The following KCNMA1 variants were observed in gnomAD, a reference collection of about 807,000 sequenced individuals.
KCNMA1 encodes potassium calcium-activated channel subfamily M alpha 1, also known as Calcium-activated potassium channel subunit alpha-1.
In KCNMA1, 29 loss-of-function variants were observed where a neutral mutation model predicts 140.0. The observed-to-expected ratio is 0.21, with a 90% CI of 0.15 to 0.28. The LOEUF (loss-of-function observed/expected upper bound fraction) is 0.28. Among genes scored for constraint, KCNMA1 ranks in the 10% least tolerant of loss-of-function variants. The pLI is 1.00. For missense variants in KCNMA1, 880 were observed against 1,602.2 expected, an observed-to-expected ratio of 0.55 and a Z score of 7.70; for synonymous variants, 612 against 611.9, an observed-to-expected ratio of 1.00 and a Z score of 0.00.
At chr10:77,076,816 C>G (rs1171923171) in intron 13 of KCNMA1, among the ~76,000 whole-genome samples, 1 of 152,182 alleles carries the variant, frequency 6.6e-6, no homozygotes, top group Non-Finnish European at 1.5e-5. Context: ...AGGCAGCTTC[C>G]CTACATCCCT....
chr10:77,615,586 T>C (rs2089128948), intron 1 of KCNMA1, among the ~76,000 whole-genome samples: 3 of 152,162 alleles, frequency 2.0e-5, no homozygotes, highest in African/African-American at 4.8e-5. Flanking sequence ...GCCCCTGAGT[T>C]AACCCTTTCA....
intron 24 of KCNMA1, chr10:76,912,614 G>A (rs1387219852): frequency 6.6e-6 from 1 of 152,182 alleles, no homozygotes; most frequent in Non-Finnish European, 1.5e-5. Context: ...CTTCAGGAGA[G>A]TCAATGATGC....
At chr10:76,999,871 C>A (rs866886039) in intron 19 of KCNMA1, among the ~76,000 whole-genome samples, 3 of 152,080 alleles carry the variant, frequency 2.0e-5, no homozygotes, top group South Asian at 4.1e-4. Flanking sequence ...TTTCCAAATG[C>A]CTCTAATATG....
At position 77,090,629 on chromosome 10, in the gene KCNMA1, G is replaced by A. The variant is rs530700767; in HGVS notation, c.1224-119C>T. On this transcript the variant is annotated intron_variant, in intron 9 of 27. Coordinates refer to ENST00000286628, the MANE Select transcript of KCNMA1 (RefSeq NM_001161352.2). ...GGGGAAGCATTCATCTCCTCCCTCC[G>A]CCTCCATAAAAGCCCAGCTCCCATC... 4.0e-4 allele frequency: 294 copies of A among 728,524 alleles called. 3 individuals carry two copies. Among genetic ancestry groups the A allele is most frequent in the African/African-American group, 2.8e-3 (164 of 57,790 alleles). 45.1% of individuals were successfully genotyped at this position (728,524 alleles called of 1,614,324 possible). A position where few individuals can be genotyped will look rare whatever the true frequency, so the allele number is the denominator to read the frequency against.
At chr10:77,374,125 A>G (rs1208107107) in intron 2 of KCNMA1, among the ~76,000 whole-genome samples, 3 of 152,192 alleles carry the variant, frequency 2.0e-5, no homozygotes, top group African/African-American at 7.2e-5. Context: ...ATGTGGTAGT[A>G]AGAGGCAGAG....
intron 2 of KCNMA1, among the ~76,000 whole-genome samples, chr10:77,385,137 C>T (rs984849531): frequency 2.6e-5 from 4 of 152,322 alleles, no homozygotes; most frequent in Admixed American, 2.6e-4. Context: ...AATTACCCAA[C>T]AGAGAGCCTG....
At chr10:77,519,686 G>T (rs939511167) in intron 1 of KCNMA1, among the ~76,000 whole-genome samples, 1 of 152,182 alleles carries the variant, frequency 6.6e-6, no homozygotes, top group African/African-American at 2.4e-5. Flanking sequence ...AATAACATGA[G>T]TGATTATAAA....
At chr10:76,977,339 G>A (rs1203282936) in intron 19 of KCNMA1, among the ~76,000 whole-genome samples, 2 of 151,946 alleles carry the variant, frequency 1.3e-5, no homozygotes, top group Non-Finnish European at 2.9e-5. Context: ...AAGTCATTGG[G>A]GAAACAAAAT....
chr10:77,460,160 C>T (rs2097837625), intron 1 of KCNMA1, among the ~76,000 whole-genome samples: 2 of 152,096 alleles, frequency 1.3e-5, no homozygotes, highest in Non-Finnish European at 2.9e-5. Flanking sequence ...GTTTACTAAC[C>T]CCTATCTTAG....
intron 5 of KCNMA1, among the ~76,000 whole-genome samples, chr10:77,136,392 G>A (rs1037080653): frequency 6.6e-6 from 1 of 152,156 alleles, no homozygotes; most frequent in African/African-American, 2.4e-5. Context: ...ATTACCAGGA[G>A]CTGAGGGGAG....
intron 2 of KCNMA1, among the ~76,000 whole-genome samples, chr10:77,390,512 G>C (rs2095781981): frequency 6.6e-6 from 1 of 152,116 alleles, no homozygotes; most frequent in Admixed American, 6.5e-5. Flanking sequence ...AGCTTCCCTG[G>C]GAGCCCATGC....
intron 5 of KCNMA1, among the ~76,000 whole-genome samples, chr10:77,123,942 G>C (rs1414260855): frequency 6.6e-6 from 1 of 152,150 alleles, no homozygotes; most frequent in Non-Finnish European, 1.5e-5. Context: ...GGATGTGCTG[G>C]ACAAAGGGAG....
intron 1 of KCNMA1, among the ~76,000 whole-genome samples, chr10:77,445,363 C>CAG (rs201639217): frequency 0.087 from 11,381 of 130,114 alleles, 470 homozygotes; most frequent in East Asian, 0.16. Flanking sequence ...CGCACATACA[C>CAG]AGACACACAC....
chr10:77,110,132 C>A lies in KCNMA1; in HGVS notation c.1131+41G>T, dbSNP rs75389547. ...GGAAATGTATCATGGAAAATATTAA[C>A]AGCCATCAAAATCAACATCATAATA... On this transcript the variant is annotated intron_variant, in intron 8 of 27. Transcript: ENST00000286628. The A allele has an allele frequency of 1.2e-3, 1,828 of 1,501,320 alleles. 20 individuals are homozygous for A. The African/African-American group carries it at 0.021, about 17-fold the overall frequency. 93.0% of individuals were successfully genotyped at this position (1,501,320 alleles called of 1,614,324 possible). A position where few individuals can be genotyped will look rare whatever the true frequency, so the allele number is the denominator to read the frequency against.
At chr10:77,355,839 G>A (rs1014805382) in intron 2 of KCNMA1, among the ~76,000 whole-genome samples, 6 of 120,676 alleles carry the variant, frequency 5.0e-5, no homozygotes, top group African/African-American at 1.9e-4. Context: ...CCATCCTTCT[G>A]GTAAAAGGAG....
At chr10:77,170,782 C>G (rs1272337802) in intron 5 of KCNMA1, among the ~76,000 whole-genome samples, 1 of 152,158 alleles carries the variant, frequency 6.6e-6, no homozygotes, top group African/African-American at 2.4e-5. Context: ...TAAAGTCAAG[C>G]AAAGGTGCTC....
At chr10:76,912,733 C>G (rs1304079394) in intron 24 of KCNMA1, 2 of 152,132 alleles carry the variant, frequency 1.3e-5, no homozygotes, top group African/African-American at 4.8e-5. Context: ...CACGTGAATT[C>G]CAAATAGAAA....
intron 1 of KCNMA1, among the ~76,000 whole-genome samples, chr10:77,418,236 A>G (rs946475983): frequency 6.6e-6 from 1 of 152,186 alleles, no homozygotes; most frequent in Non-Finnish European, 1.5e-5. Context: ...ATGGGAGTTA[A>G]GGATGGCAAG....
At chr10:77,193,978 T>C (rs899359527) in intron 3 of KCNMA1, among the ~76,000 whole-genome samples, 1 of 152,090 alleles carries the variant, frequency 6.6e-6, no homozygotes, top group African/African-American at 2.4e-5. Flanking sequence ...TTTCTGGATA[T>C]TAAAATTGCC....
Sources: allele counts gnomAD v4.1 joint callset (sites outside exome capture counted in the v4.1 genomes callset), GRCh38; gene constraint gnomAD v4.1.1; transcripts MANE v1.5; gene names NCBI Gene and HGNC (gene_info 2026-07-23, HGNC 2026-07-21).